Variants in PAK1 observed in about 807,000 individuals in gnomAD.
PAK1 encodes p21 (RAC1) activated kinase 1, also known as serine/threonine-protein kinase PAK 1.
In PAK1, 29 loss-of-function variants were observed where a neutral mutation model predicts 67.4. That is an observed-to-expected ratio of 0.43 (90% CI 0.32 to 0.59). The LOEUF is 0.59. Among genes scored for constraint, PAK1 ranks in the 20% least tolerant of loss-of-function variants. PAK1 has a pLI of 0.07. For missense variants in PAK1, 337 were observed against 670.7 expected (o/e 0.50, Z 5.50); for synonymous variants, 223 against 237.4 (o/e 0.94, Z 0.56).
chr11:77,337,637 C>G (rs560984761), intron 11 of PAK1, among the ~76,000 whole-genome samples: 1 of 152,250 alleles, frequency 6.6e-6, no homozygotes, highest in South Asian at 2.1e-4. Context: ...CTCCATGCTG[C>G]CTTTCACCTT....
intron 2 of PAK1, among the ~76,000 whole-genome samples, chr11:77,381,160 T>TA (rs1011856931): frequency 7.2e-6 from 1 of 139,196 alleles, no homozygotes; most frequent in African/African-American, 2.8e-5. Flanking sequence ...TGTGTGTGTG[T>TA]GTGTGTGTGT....
intron 2 of PAK1, among the ~76,000 whole-genome samples, chr11:77,380,268 C>T (rs1352727252): frequency 6.6e-6 from 1 of 152,110 alleles, no homozygotes; most frequent in Admixed American, 6.6e-5. Flanking sequence ...CCAAGGCAGG[C>T]AGATTGCTTG....
intron 8 of PAK1, among the ~76,000 whole-genome samples, chr11:77,352,662 G>A (rs1945424569): frequency 6.6e-6 from 1 of 152,086 alleles, no homozygotes; most frequent in South Asian, 2.1e-4. Context: ...TCCATGTTAA[G>A]TGCCCTACAT....
chr11:77,491,836 C>G, the PAK1 span, among the ~76,000 whole-genome samples: 2 of 152,268 alleles, frequency 1.3e-5, no homozygotes, highest in East Asian at 3.9e-4. Context: ...TAAGTCTTTA[C>G]TTATCAATAA....
At chr11:77,467,276 C>T (rs1957642551) in intron 1 of PAK1, among the ~76,000 whole-genome samples, 1 of 152,166 alleles carries the variant, frequency 6.6e-6, no homozygotes, top group Admixed American at 6.5e-5. Flanking sequence ...AGCAGATGCC[C>T]TTCCTCTGTG....
At chr11:77,504,845 A>T in the PAK1 span, among the ~76,000 whole-genome samples, 1 of 152,208 alleles carries the variant, frequency 6.6e-6, no homozygotes, top group African/African-American at 2.4e-5. Context: ...GCTCACCATT[A>T]TCCAGACACC....
chr11:77,423,538 C>G (rs984643824), intron 1 of PAK1, among the ~76,000 whole-genome samples: 1 of 151,836 alleles, frequency 6.6e-6, no homozygotes, highest in African/African-American at 2.4e-5. Flanking sequence ...CAATTCATGA[C>G]CAAATTTTGC....
At chr11:77,372,298 T>C (rs1948544499) in intron 5 of PAK1, among the ~76,000 whole-genome samples, 3 of 152,288 alleles carry the variant, frequency 2.0e-5, no homozygotes, top group South Asian at 2.1e-4. Flanking sequence ...TTCTATTTGA[T>C]GAAAGGCAGC....
chr11:77,410,800 A>C (rs1426702733), intron 1 of PAK1, among the ~76,000 whole-genome samples: 1 of 152,108 alleles, frequency 6.6e-6, no homozygotes, highest in Non-Finnish European at 1.5e-5. Flanking sequence ...GGTCCAAAAT[A>C]ATCAAAGTAG....
the PAK1 span, among the ~76,000 whole-genome samples, chr11:77,481,626 G>C: frequency 3.1e-4 from 44 of 140,486 alleles, no homozygotes; most frequent in African/African-American, 9.2e-4. Context: ...AGTGAGCCGA[G>C]ATTGTGCCAC....
At chr11:77,526,694 G>A in the PAK1 span, among the ~76,000 whole-genome samples, 2 of 152,146 alleles carry the variant, frequency 1.3e-5, no homozygotes, top group Non-Finnish European at 2.9e-5. Flanking sequence ...GAGGTGGGCG[G>A]ATCACGAGGT....
At chr11:77,502,184 T>C in the PAK1 span, among the ~76,000 whole-genome samples, 2 of 152,218 alleles carry the variant, frequency 1.3e-5, no homozygotes, top group East Asian at 1.9e-4. Context: ...TGTGCATGTG[T>C]ATGTGTTTTT....
chr11:77,357,576 C>T (rs923681608), intron 6 of PAK1, among the ~76,000 whole-genome samples: 8 of 152,122 alleles, frequency 5.3e-5, no homozygotes, highest in Non-Finnish European at 8.8e-5. Flanking sequence ...TTTGTACACA[C>T]AAAAATACCA....
chr11:77,435,133 T>C (rs113450776), intron 1 of PAK1, among the ~76,000 whole-genome samples: 1 of 117,824 alleles, frequency 8.5e-6, no homozygotes, highest in African/African-American at 3.0e-5. Flanking sequence ...AAAAAAAAAA[T>C]TGAAATTAAA....
At chr11:77,342,103 CATGAGTTCATCCATATGTG>C (rs1243623024) in intron 10 of PAK1, among the ~76,000 whole-genome samples, 2 of 152,180 alleles carry the variant, frequency 1.3e-5, no homozygotes, top group Non-Finnish European at 2.9e-5. Flanking sequence ...GGGTTCTGCC[CATGAGTTCATCCATATGTG>C]ATGGAGTTCC....
intron 1 of PAK1, among the ~76,000 whole-genome samples, chr11:77,410,751 G>A (rs1334922586): frequency 6.6e-6 from 1 of 150,890 alleles, no homozygotes; most frequent in Non-Finnish European, 1.5e-5. Flanking sequence ...GTGAGGAGAG[G>A]AAGACGTAGA....
intron 1 of PAK1, among the ~76,000 whole-genome samples, chr11:77,466,474 G>A (rs569178894): frequency 6.6e-5 from 10 of 152,126 alleles, no homozygotes; most frequent in South Asian, 2.1e-4. Context: ...ATGGTGGCAC[G>A]CACCTGTGGT....
At chr11:77,350,012 T>C (rs1175235650) in intron 8 of PAK1, among the ~76,000 whole-genome samples, 1 of 152,172 alleles carries the variant, frequency 6.6e-6, no homozygotes, top group Admixed American at 6.5e-5. Flanking sequence ...ATGCTATCTT[T>C]AGTGAAAATT....
chr11:77,447,535 CTT>C (rs930087173), intron 1 of PAK1, among the ~76,000 whole-genome samples: 1 of 144,666 alleles, frequency 6.9e-6, no homozygotes, highest in African/African-American at 2.5e-5. Flanking sequence ...GAAACAGATT[CTT>C]TTTTTTTTTT....
Sources: allele counts gnomAD v4.1 joint callset (sites outside exome capture counted in the v4.1 genomes callset), GRCh38; gene constraint gnomAD v4.1.1; transcripts MANE v1.5; gene names NCBI Gene and HGNC (gene_info 2026-07-23, HGNC 2026-07-21).